Variants in HERC2 observed in about 807,000 individuals in gnomAD.
HERC2 encodes E3 ubiquitin-protein ligase HERC2.
In HERC2, 102 loss-of-function variants were observed where a neutral mutation model predicts 537.7. The ratio of observed to expected loss-of-function variants is 0.19; its 90% confidence interval spans 0.16 to 0.22. HERC2 has a LOEUF of 0.22. Among genes scored for constraint, HERC2 ranks in the 10% least tolerant of loss-of-function variants. The pLI is 1.00. For missense variants in HERC2, 4,236 were observed against 6,198.2 expected (o/e 0.68, Z 10.63); for synonymous variants, 2,224 against 2,466.2 (o/e 0.90, Z 2.91).
rs566041114 is a variant in HERC2, at chr15:28,113,831, C to T, written c.13914-153G>A. On this transcript the variant is annotated intron_variant, in intron 90 of 92. Transcript: ENST00000261609. This position sits in a 1 kb window ranked among gnomAD's most constrained non-coding sequence, Gnocchi z 7.0. Reference sequence around the variant, plus strand: ...CAGATGGCATGAGCATGCTTAGCAGCTCGGCACTGCAGAGCTTCTCCTGAC... The same window carrying T: ...CAGATGGCATGAGCATGCTTAGCAGTTCGGCACTGCAGAGCTTCTCCTGAC... 3.0e-6 allele frequency: 2 copies of T among 657,990 alleles called. No individual in the cohort carries two copies. Among genetic ancestry groups the T allele is most frequent in the African/African-American group, 3.5e-5 (2 of 56,480 alleles). 40.8% of individuals were successfully genotyped at this position (657,990 alleles called of 1,614,324 possible).
chr15:28,125,481 T>G (rs921257531), intron 83 of HERC2, among the ~76,000 whole-genome samples: 1 of 152,220 alleles, frequency 6.6e-6, no homozygotes, highest in Non-Finnish European at 1.5e-5. Flanking sequence ...AACTCTGGTC[T>G]TAAGCCTCCA....
chr15:28,315,867 G>A (rs1290202064), intron 2 of HERC2: 1 of 506,124 alleles, frequency 2.0e-6, no homozygotes, highest in Non-Finnish European at 3.9e-6. Flanking sequence ...GCATGCCACT[G>A]TCTAGAGCTT....
At chr15:28,213,604 G>T in intron 42 of HERC2, 138 bp downstream of exon 42, 7 of 1,476,214 alleles carry the variant, frequency 4.7e-6, no homozygotes, top group Non-Finnish European at 5.5e-6. Context: ...TACCACAGAA[G>T]CACAAGCTCA....
chr15:28,259,116 C>T (rs1328363244), intron 16 of HERC2, among the ~76,000 whole-genome samples: 1 of 152,026 alleles, frequency 6.6e-6, no homozygotes, highest in Non-Finnish European at 1.5e-5. Flanking sequence ...TTTTTTGAGA[C>T]GGAGTTTCGC....
chr15:28,192,379 G>T (rs1896935954), intron 52 of HERC2, among the ~76,000 whole-genome samples: 1 of 152,102 alleles, frequency 6.6e-6, no homozygotes, highest in Non-Finnish European at 1.5e-5. Context: ...ACCTCCCAGG[G>T]AACAACAGCA....
chr15:28,141,677 A>ACACAG, intron 77 of HERC2, 47 bp from the exon 78 acceptor site: 2 of 1,610,738 alleles, frequency 1.2e-6, no homozygotes, highest in Non-Finnish European at 1.7e-6. Context: ...AGAACAATGC[A>ACACAG]CACAGCCTCT....
rs1887921624 is a variant in HERC2, at chr15:28,113,815, T to C, written c.13914-137A>G. On this transcript the variant is annotated intron_variant, in intron 90 of 92. Coordinates refer to ENST00000261609, the MANE Select transcript of HERC2 (RefSeq NM_004667.6). This position sits in a 1 kb window ranked among gnomAD's most constrained non-coding sequence, Gnocchi z 7.0. ...ACAGAGGGAGCAGCTCCAGATGGCA[T>C]GAGCATGCTTAGCAGCTCGGCACTG... 1.4e-6 allele frequency: 1 copy of C among 694,480 alleles called. No individual in the cohort carries two copies. The highest frequency in any genetic ancestry group is 2.6e-6 in the Non-Finnish European group (1 of 391,008). The allele number at this position is 694,480 out of a possible 1,614,324, so 43.0% of individuals were successfully genotyped here. A position where few individuals can be genotyped will look rare whatever the true frequency, so the allele number is the denominator to read the frequency against.
chr15:28,313,180 AAC>A (rs1198876142), intron 2 of HERC2, among the ~76,000 whole-genome samples: 1 of 128,240 alleles, frequency 7.8e-6, no homozygotes, highest in Non-Finnish European at 1.7e-5. Context: ...TAGGCAAGCA[AAC>A]AGTTAAGGCA....
rs774773755 is a variant in HERC2 at position 28,265,655 on chromosome 15, C to G, written c.1833G>C (p.Gly611=). ...CAGCCAGGGTTTGAGCATCCCCACTCCCACACGCCACATCGATGACCTTCA... is the reference window on the plus strand; with the variant it reads ...CAGCCAGGGTTTGAGCATCCCCACTGCCACACGCCACATCGATGACCTTCA... ...KGLKVIDVAC[G]SGDAQTLAVT... The change falls in exon 14 of 93, where the codon GGG becomes GGC. Residue 611 remains glycine (G), a synonymous_variant. Coordinates refer to ENST00000261609, the MANE Select transcript of HERC2 (RefSeq NM_004667.6). The surrounding 1 kb of genome is among the most constrained non-coding windows in gnomAD (Gnocchi z 4.0). The G allele has an allele frequency of 6.2e-7, 1 of 1,614,174 alleles. No homozygotes were observed. The highest frequency in any genetic ancestry group is 8.5e-7 in the Non-Finnish European group (1 of 1,180,026).
At chr15:28,210,085 C>T (rs1430171345) in intron 44 of HERC2, among the ~76,000 whole-genome samples, 1 of 151,030 alleles carries the variant, frequency 6.6e-6, no homozygotes, top group Admixed American at 6.6e-5. Context: ...CCTCAGCCTT[C>T]CAAGTAGCTG....
chr15:28,176,832 CACAGATAAAG>C lies in HERC2; in HGVS notation c.9433-74_9433-65del. On this transcript the variant is annotated intron_variant, in intron 61 of 92. Transcript: ENST00000261609. This position sits in a 1 kb window ranked among gnomAD's most constrained non-coding sequence, Gnocchi z 5.0. ...GCACGGAGAAAGCAATGGATTTTCC[CACAGATAAAG>C]CCAACCATGCACACATCTTTATGAA... The C allele has an allele frequency of 6.3e-7, 1 of 1,590,232 alleles. No homozygotes were observed. Among genetic ancestry groups the C allele is most frequent in the South Asian group, 1.1e-5 (1 of 90,412 alleles).
intron 69 of HERC2, among the ~76,000 whole-genome samples, chr15:28,155,851 G>C (rs916585144): frequency 2.0e-5 from 3 of 152,126 alleles, no homozygotes; most frequent in African/African-American, 7.2e-5. Context: ...CCTATGTCCT[G>C]AATGGTATTC....
intron 4 of HERC2, among the ~76,000 whole-genome samples, chr15:28,282,928 A>AGATGGGAAGGGACGGGAAGG (rs2076058262): frequency 1.4e-5 from 2 of 147,692 alleles, no homozygotes; most frequent in Non-Finnish European, 3.0e-5. Context: ...GAGACTCCGA[A>AGATGGGAAGGGACGGGAAGG]GATGGGAAGG....
chr15:28,273,103 AAGGATGTATTTTTAATATTT>A (rs2141003965), intron 7 of HERC2, 99 bp from the exon 8 acceptor site: 1 of 826,014 alleles, frequency 1.2e-6, no homozygotes, highest in East Asian at 2.5e-5. Context: ...CCTCCAAAGG[AAGGATGTATTTTTAATATTT>A]AGGATCAAGT....
In HERC2 at chr15:28,299,311, C is replaced by T. The variant is rs538793257; in HGVS notation, c.187+91G>A. Reference sequence around the variant, plus strand: ...AAACTTCAAAGAGTTAAGCTCAAAGCTCCTGTTCCTATAGCACATTACAAA... The same window carrying T: ...AAACTTCAAAGAGTTAAGCTCAAAGTTCCTGTTCCTATAGCACATTACAAA... On this transcript the variant is annotated intron_variant, in intron 3 of 92. Coordinates refer to ENST00000261609, the MANE Select transcript of HERC2 (RefSeq NM_004667.6). 1,237 of 489,220 alleles carry T rather than the reference C, an allele frequency of 2.5e-3. 12 individuals carry two copies. The highest frequency in any genetic ancestry group is 0.022 in the African/African-American group (1,102 of 50,534). 30.3% of individuals were successfully genotyped at this position (489,220 alleles called of 1,614,324 possible).
At chr15:28,293,270 G>A (rs1324028699) in intron 3 of HERC2, among the ~76,000 whole-genome samples, 1 of 152,080 alleles carries the variant, frequency 6.6e-6, no homozygotes, top group African/African-American at 2.4e-5. Context: ...ATGGCGGGTG[G>A]ATCACAAGGT....
intron 65 of HERC2, among the ~76,000 whole-genome samples, chr15:28,171,797 G>A (rs529147368): frequency 1.3e-5 from 2 of 152,058 alleles, no homozygotes; most frequent in Non-Finnish European, 2.9e-5. Flanking sequence ...ACAATAGACC[G>A]GGTGCGGTGA....
intron 69 of HERC2, among the ~76,000 whole-genome samples, chr15:28,154,519 G>A (rs1055850951): frequency 6.6e-6 from 1 of 152,136 alleles, no homozygotes; most frequent in Non-Finnish European, 1.5e-5. Context: ...GTGCAGAGTC[G>A]ATCAGGGGCT....
chr15:28,125,154 A>AGTT lies in HERC2; in HGVS notation c.12839_12841dup (p.Gln4280dup). ...GATGGCATTGGTGGTTCCGTCTCCC[A>AGTT]GTTGTCCCTCATCATTGTCGCCCCA... On this transcript the variant is annotated inframe_insertion, in exon 84 of 93. Transcript: ENST00000261609. The AGTT allele has an allele frequency of 1.2e-6, 2 of 1,614,002 alleles. No individual in the cohort carries two copies. The highest frequency in any genetic ancestry group is 1.7e-6 in the Non-Finnish European group (2 of 1,179,832).
Sources: gnomAD v4.1 joint callset for allele counts (sites outside exome capture counted in the v4.1 genomes callset) on GRCh38, gnomAD v4.1.1 for gene constraint, Gnocchi (gnomAD v3.1) non-coding constraint, MANE v1.5 for transcripts, NCBI Gene and HGNC (gene_info 2026-07-23, HGNC 2026-07-21) for gene names.